CPAMD8: variants seen among roughly 807,000 people sequenced by gnomAD.
The protein encoded by CPAMD8 is C3 and PZP-like alpha-2-macroglobulin domain-containing protein 8.
Under a neutral mutation model 224.7 loss-of-function variants are expected in CPAMD8, and 146 were observed. The observed-to-expected ratio is 0.65, with a 90% CI of 0.57 to 0.75. The LOEUF is 0.75. Ranked by LOEUF, CPAMD8 falls within the 30% of genes least tolerant of loss-of-function variation. The probability of loss-of-function intolerance (pLI) is 0.00; values close to 1 mark genes in which losing one functional copy is unlikely to be tolerated. For missense variants in CPAMD8, 2,301 were observed against 2,537.5 expected (o/e 0.91, Z 2.00); for synonymous variants, 966 against 1,044.6 (o/e 0.92, Z 1.45).
At chr19:17,019,574 T>A (rs79305862) in intron 3 of CPAMD8, among the ~76,000 whole-genome samples, 65 of 147,014 alleles carry the variant, frequency 4.4e-4, no homozygotes, top group Admixed American at 3.9e-3. Flanking sequence ...CATTTTTTTT[T>A]AAATAGGGCC....
chr19:17,015,787 C>G (rs1479242514), intron 3 of CPAMD8, among the ~76,000 whole-genome samples: 1 of 152,130 alleles, frequency 6.6e-6, no homozygotes, highest in East Asian at 1.9e-4. Flanking sequence ...ACCGGAGGTG[C>G]TGAGGACCGT....
intron 18 of CPAMD8, among the ~76,000 whole-genome samples, chr19:16,969,742 T>C (rs538108693): frequency 6.6e-5 from 10 of 151,768 alleles, no homozygotes; most frequent in Admixed American, 2.6e-4. Context: ...TAGCTGGGCA[T>C]GGTGGCATGT....
chr19:17,020,399 T>C (rs1311632622), intron 2 of CPAMD8, 46 bp from the exon 3 acceptor site: 6 of 1,410,262 alleles, frequency 4.3e-6, no homozygotes, highest in Non-Finnish European at 6.0e-6. Context: ...AGAGCTGTGT[T>C]GCCCTGCCTC....
chr19:16,918,146 C>T (rs2144866374), intron 27 of CPAMD8, among the ~76,000 whole-genome samples: 1 of 152,230 alleles, frequency 6.6e-6, no homozygotes, highest in African/African-American at 2.4e-5. Flanking sequence ...AGACGCCCAC[C>T]ACCATGCCCA....
At position 16,947,177 on chromosome 19, in the gene CPAMD8, A is replaced by T. The variant is rs2054132307; in HGVS notation, c.2559T>A (p.Pro853=). The change falls in exon 21 of 42, where the codon CCT becomes CCA. Residue 853 remains proline, a synonymous_variant. Coordinates refer to ENST00000443236, the MANE Select transcript of CPAMD8 (RefSeq NM_015692.5). The part of the protein sequence containing the change: ...VPKGIQFVGH[P]GKRHVTKKMC... ...TCTTCTTGGTCACATGGCGTTTGCC[A>T]GGATGCCCAACAAACTGGATGCCCT... is the stretch of plus-strand genomic sequence containing the variant. 2 of 1,613,840 alleles carry T rather than the reference A, an allele frequency of 1.2e-6. No individual in the cohort carries two copies. The highest frequency in any genetic ancestry group is 1.7e-6 in the Non-Finnish European group (2 of 1,179,850).
intron 39 of CPAMD8, 32 bp downstream of exon 39, chr19:16,897,659 G>A: frequency 4.7e-6 from 6 of 1,266,634 alleles, no homozygotes; most frequent in Non-Finnish European, 6.5e-6. Flanking sequence ...GGCAGGCCGC[G>A]GTGGGGGGCG....
Position 16,899,414 on chromosome 19 carries a change from G to T in CPAMD8, c.4848+61C>A. The T allele has an allele frequency of 1.2e-6, 1 of 809,892 alleles. No homozygotes were observed. 50.2% of individuals were successfully genotyped at this position (809,892 alleles called of 1,614,324 possible). A position where few individuals can be genotyped will look rare whatever the true frequency, so the allele number is the denominator to read the frequency against. ...AGGGAGCCACACCAGGCAGTGACCGGTGCACCCTCACCAACATGCACACCA... is the reference window on the plus strand; with the variant it reads ...AGGGAGCCACACCAGGCAGTGACCGTTGCACCCTCACCAACATGCACACCA... On this transcript the variant is annotated intron_variant, in intron 37 of 41. Coordinates refer to ENST00000443236, the MANE Select transcript of CPAMD8 (RefSeq NM_015692.5). The surrounding 1 kb of genome is among the most constrained non-coding windows in gnomAD (Gnocchi z 5.4).
intron 23 of CPAMD8, 31 bp downstream of exon 23, chr19:16,938,364 C>T: frequency 7.0e-7 from 1 of 1,426,200 alleles, no homozygotes; most frequent in Non-Finnish European, 9.5e-7. Flanking sequence ...CAGGTGGCCA[C>T]ACCTTAGCAG....
intron 18 of CPAMD8, among the ~76,000 whole-genome samples, chr19:16,968,737 T>C (rs1225765217): frequency 1.3e-5 from 2 of 152,100 alleles, no homozygotes; most frequent in African/African-American, 4.8e-5. Flanking sequence ...CTTCCCAGGC[T>C]CAAGCAATCC....
chr19:16,899,655 C>G lies in CPAMD8; in HGVS notation c.4774-106G>C, dbSNP rs1435064270. ...GATGCTTGGACTTGCCCACAAGTTACCATGGGCTGGGGTCTGGGTGCTGGT... is the reference window on the plus strand; with the variant it reads ...GATGCTTGGACTTGCCCACAAGTTAGCATGGGCTGGGGTCTGGGTGCTGGT... On this transcript the variant is annotated intron_variant, in intron 36 of 41. Transcript: ENST00000443236. The surrounding 1 kb of genome is among the most constrained non-coding windows in gnomAD (Gnocchi z 5.4). 1 of 700,106 alleles carries G rather than the reference C, an allele frequency of 1.4e-6. No homozygotes were observed. The highest frequency in any genetic ancestry group is 1.7e-5 in the African/African-American group (1 of 57,650). 43.4% of individuals were successfully genotyped at this position (700,106 alleles called of 1,614,324 possible).
chr19:16,945,571 A>C lies in CPAMD8; in HGVS notation c.2771T>G (p.Val924Gly), dbSNP rs2122238693. 6.2e-7 allele frequency: 1 copy of C among 1,614,112 alleles called. No homozygotes were observed. Among genetic ancestry groups the C allele is most frequent in the Non-Finnish European group, 8.5e-7 (1 of 1,179,986 alleles). The change falls in exon 22 of 42, where the codon GTC (valine) becomes GGC (glycine). Residue 924 changes from valine (V) to glycine (G), a missense_variant. Physicochemically the swap from Val to Gly is moderately radical, Grantham distance 109. Coordinates refer to ENST00000443236, the MANE Select transcript of CPAMD8 (RefSeq NM_015692.5). ...TACCTCAACCATCACACTGCGCCTG[A>C]CGTGATCCACCCCGATGGGGACCCT... ...DRRVPIGVDH[V>G]RRSVMVEAEG...
chr19:16,897,232 A>T (rs1242165688), intron 39 of CPAMD8: 3 of 97,386 alleles, frequency 3.1e-5, no homozygotes, highest in African/African-American at 1.5e-4. Context: ...TCCACTCTCA[A>T]CCCCGTCCCC....
At chr19:16,992,175 G>A (rs2055976996) in intron 12 of CPAMD8, among the ~76,000 whole-genome samples, 1 of 152,134 alleles carries the variant, frequency 6.6e-6, no homozygotes, top group Non-Finnish European at 1.5e-5. Flanking sequence ...AAGGCCTTCT[G>A]GATCTACTTC....
At chr19:16,993,621 G>A (rs1285575016) in intron 11 of CPAMD8, 35 bp from the exon 12 acceptor site, 3 of 1,601,506 alleles carry the variant, frequency 1.9e-6, no homozygotes, top group Non-Finnish European at 1.7e-6. Flanking sequence ...ACAGAGTTAA[G>A]ACGGCCATGC....
In CPAMD8 at chr19:16,929,076, C is replaced by T; in HGVS notation, c.3010G>A (p.Gly1004Arg). 6.2e-7 allele frequency: 1 copy of T among 1,614,030 alleles called. No individual in the cohort carries two copies. The highest frequency in any genetic ancestry group is 1.1e-5 in the South Asian group (1 of 91,080). Reference sequence around the variant, plus strand: ...ATCCATGACCTGGTGTTCTGATGCCCCCCCAGGACGATCTCGATCATGCCT... The same window carrying T: ...ATCCATGACCTGGTGTTCTGATGCCTCCCCAGGACGATCTCGATCATGCCT... ...TAGMIEIVLG[G>R]HQNTRSWIST... The change falls in exon 24 of 42, where the codon GGG becomes AGG. Residue 1004 changes from glycine (G) to arginine (R), a missense_variant. Transcript: ENST00000443236.
intron 13 of CPAMD8, among the ~76,000 whole-genome samples, chr19:16,987,170 AAAAAAAAAAATATATATATATAT>A (rs887189663): frequency 9.5e-6 from 1 of 104,790 alleles, no homozygotes; most frequent in Non-Finnish European, 1.8e-5. Context: ...AAAAAAAAAA[AAAAAAAAAAATATATATATATAT>A]ATATATATAT....
chr19:16,970,975 C>CT lies in CPAMD8; in HGVS notation c.2128_2129insA (p.Gly710GlufsTer6), dbSNP rs2055041758. ...GGGGACAGCCTCATCGGTGTAGAGG[C>CT]CACCGTCCTGCCGGTGGTTCAGGCT... On this transcript the variant is annotated frameshift_variant, in exon 18 of 42. Transcript: ENST00000443236. LOFTEE classifies it high-confidence loss of function. 6 of 1,613,648 alleles carry CT rather than the reference C, an allele frequency of 3.7e-6. No homozygotes were observed. The South Asian group carries it at 5.5e-5, about 15-fold the overall frequency.
rs117642995 is a variant in CPAMD8, at chr19:16,907,281, C to G, written c.3862-164G>C. On this transcript the variant is annotated intron_variant, in intron 29 of 41. Transcript: ENST00000443236. ...CTGCCTGCAGACCCAATTTTCAAACCCCATCTCCTTTCTTTTCTTTCTTGC... is the reference window on the plus strand; with the variant it reads ...CTGCCTGCAGACCCAATTTTCAAACGCCATCTCCTTTCTTTTCTTTCTTGC... 0.029 allele frequency among the ~76,000 whole-genome samples: 4,406 copies of G among 150,280 alleles called. 112 individuals carry two copies. The highest frequency in any genetic ancestry group is 0.091 in the South Asian group (430 of 4,702).
In CPAMD8 at chr19:16,896,478, C is replaced by A; in HGVS notation, c.5253G>T (p.Ala1751=). The A allele has an allele frequency of 6.9e-7, 1 of 1,440,908 alleles. No homozygotes were observed. The highest frequency in any genetic ancestry group is 1.5e-5 in the South Asian group (1 of 67,824). The allele number at this position is 1,440,908 out of a possible 1,614,324, so 89.3% of individuals were successfully genotyped here. A position where few individuals can be genotyped will look rare whatever the true frequency, so the allele number is the denominator to read the frequency against. ...ACRQAAPLEP[A]PPSCCALEQR... The stretch of plus-strand genomic sequence containing the variant: ...CACCGAGGGCGCAGCAGCTGGGAGG[C>A]GCGGGCTCCAGGGGCGCGGCCTGGC... The change falls in exon 40 of 42, where the codon GCG becomes GCT. Residue 1751 remains alanine, a synonymous_variant. Transcript: ENST00000443236.
Sources: allele counts gnomAD v4.1 joint callset (sites outside exome capture counted in the v4.1 genomes callset), GRCh38; gene constraint gnomAD v4.1.1; non-coding constraint Gnocchi (gnomAD v3.1); transcripts MANE v1.5; gene names NCBI Gene and HGNC (gene_info 2026-07-23, HGNC 2026-07-21).